Variants in GLIS3 observed in about 807,000 individuals in gnomAD.
The protein encoded by GLIS3 is GLIS family zinc finger 3.
In GLIS3, 53 loss-of-function variants were observed where a neutral mutation model predicts 78.6. The observed-to-expected ratio is 0.67, with a 90% CI of 0.54 to 0.85. The LOEUF (loss-of-function observed/expected upper bound fraction) is 0.85. Among genes scored for constraint, GLIS3 ranks in the 40% least tolerant of loss-of-function variants. The pLI is 0.00. For missense variants in GLIS3, 1,703 were observed against 1,231.1 expected, an observed-to-expected ratio of 1.38 and a Z score of -5.74; for synonymous variants, 684 against 509.9, an observed-to-expected ratio of 1.34 and a Z score of -4.60.
intron 9 of GLIS3, among the ~76,000 whole-genome samples, chr9:3,841,328 T>C (rs1010472600): frequency 7.2e-5 from 11 of 152,150 alleles, no homozygotes; most frequent in African/African-American, 2.7e-4. Flanking sequence ...ATACATAAAA[T>C]AGAGATTCTC....
chr9:3,991,847 T>C (rs113849356), intron 4 of GLIS3, among the ~76,000 whole-genome samples: 250 of 152,038 alleles, frequency 1.6e-3, no homozygotes, highest in East Asian at 3.7e-3. Context: ...CCTGCAACCA[T>C]GCCTGGCTAA....
Position 4,120,590 on chromosome 9 carries a change from C to T in GLIS3, c.597-1709G>A, listed in dbSNP as rs114692057. Reference sequence around the variant, plus strand: ...TTGGATGTCAAGGGCCTTTTGGTCTCTTCCCCAGCAAGATCGAGGAATTGC... The same window carrying T: ...TTGGATGTCAAGGGCCTTTTGGTCTTTTCCCCAGCAAGATCGAGGAATTGC... On this transcript the variant is annotated intron_variant, in intron 3 of 10. Transcript: ENST00000381971. Among the ~76,000 whole-genome samples the T allele has an allele frequency of 1.8e-3, 275 of 152,334 alleles. 1 individual carries two copies. Among genetic ancestry groups the T allele is most frequent in the African/African-American group, 6.3e-3 (261 of 41,588 alleles).
intron 2 of GLIS3, among the ~76,000 whole-genome samples, chr9:4,158,493 A>C (rs1005688891): frequency 6.6e-6 from 1 of 152,222 alleles, no homozygotes; most frequent in African/African-American, 2.4e-5. Flanking sequence ...GCCTTCAGCT[A>C]TACTGTCTCC....
the GLIS3 span, among the ~76,000 whole-genome samples, chr9:4,355,666 G>T: frequency 2.0e-5 from 3 of 152,150 alleles, no homozygotes. Context: ...TCTTTTAACA[G>T]CTAGGGACAC....
the GLIS3 span, among the ~76,000 whole-genome samples, chr9:4,391,451 G>A: frequency 6.6e-6 from 1 of 151,948 alleles, no homozygotes; most frequent in Non-Finnish European, 1.5e-5. Context: ...TTTTCATTAA[G>A]GTTTTTCCCA....
the GLIS3 span, among the ~76,000 whole-genome samples, chr9:4,409,327 G>A: frequency 6.6e-6 from 1 of 152,182 alleles, no homozygotes; most frequent in African/African-American, 2.4e-5. Context: ...CTTAATTGAT[G>A]AGATGTGAGT....
the GLIS3 span, among the ~76,000 whole-genome samples, chr9:4,429,328 C>G: frequency 4.6e-5 from 7 of 151,892 alleles, no homozygotes; most frequent in Non-Finnish European, 1.0e-4. Flanking sequence ...GCCCCCAACT[C>G]TCCCTTATTC....
intron 4 of GLIS3, among the ~76,000 whole-genome samples, chr9:4,013,244 G>A (rs503459): frequency 6.6e-6 from 1 of 152,016 alleles, no homozygotes; most frequent in Non-Finnish European, 1.5e-5. Flanking sequence ...CACTACAGAC[G>A]TTAAGCAGCT....
intron 4 of GLIS3, among the ~76,000 whole-genome samples, chr9:4,014,296 A>G (rs1250263975): frequency 6.6e-6 from 1 of 152,158 alleles, no homozygotes; most frequent in South Asian, 2.1e-4. Context: ...TAGAAATTGT[A>G]CTGGGCTAAA....
intron 2 of GLIS3, among the ~76,000 whole-genome samples, chr9:4,255,882 T>A (rs748873837): frequency 1.3e-5 from 2 of 152,100 alleles, no homozygotes; most frequent in Non-Finnish European, 2.9e-5. Context: ...GATGTGTCAA[T>A]GCAGGTTCAT....
At chr9:4,380,079 T>C in the GLIS3 span, among the ~76,000 whole-genome samples, 73 of 152,282 alleles carry the variant, frequency 4.8e-4, no homozygotes, top group East Asian at 0.012. Context: ...AGTGCATCAA[T>C]ATCTGCTCTA....
At chr9:4,066,294 C>T (rs1196668881) in intron 4 of GLIS3, among the ~76,000 whole-genome samples, 6 of 152,184 alleles carry the variant, frequency 3.9e-5, no homozygotes, top group Non-Finnish European at 5.9e-5. Flanking sequence ...TCTGACCTCA[C>T]TAGGGTTTCC....
chr9:4,273,753 C>T (rs1445979154), intron 2 of GLIS3, among the ~76,000 whole-genome samples: 1 of 152,156 alleles, frequency 6.6e-6, no homozygotes, highest in African/African-American at 2.4e-5. Context: ...AAAAGTCAAT[C>T]CACATAACTC....
At chr9:3,926,474 C>A (rs1825262146) in intron 6 of GLIS3, among the ~76,000 whole-genome samples, 3 of 152,242 alleles carry the variant, frequency 2.0e-5, no homozygotes, top group Admixed American at 6.5e-5. Context: ...TCATGATCCG[C>A]CTGTCTCGGT....
chr9:3,976,198 C>T (rs1331600462), intron 4 of GLIS3, among the ~76,000 whole-genome samples: 3 of 152,090 alleles, frequency 2.0e-5, no homozygotes, highest in African/African-American at 7.2e-5. Context: ...CACCCAGTTG[C>T]CTTCACATCA....
intron 6 of GLIS3, among the ~76,000 whole-genome samples, chr9:3,919,646 A>T (rs2130722427): frequency 6.6e-6 from 1 of 151,210 alleles, no homozygotes; most frequent in South Asian, 2.1e-4. Flanking sequence ...GAAGTTAAAA[A>T]ATAAAAAAAA....
At chr9:4,182,801 G>T (rs1431496935) in intron 2 of GLIS3, among the ~76,000 whole-genome samples, 1 of 152,192 alleles carries the variant, frequency 6.6e-6, no homozygotes, top group Admixed American at 6.5e-5. Context: ...CAAGGGTGAT[G>T]ACAACTGCTA....
At chr9:4,382,544 T>A in the GLIS3 span, among the ~76,000 whole-genome samples, 3 of 152,228 alleles carry the variant, frequency 2.0e-5, no homozygotes, top group East Asian at 5.8e-4. Flanking sequence ...TTTTGTTCTC[T>A]GACTTCTAGA....
At chr9:4,239,006 A>G (rs1279589763) in intron 2 of GLIS3, among the ~76,000 whole-genome samples, 3 of 151,976 alleles carry the variant, frequency 2.0e-5, no homozygotes, top group Non-Finnish European at 4.4e-5. Flanking sequence ...GTCCCTACAA[A>G]GGACATGAAC....
Sources: gnomAD v4.1 joint callset for allele counts (sites outside exome capture counted in the v4.1 genomes callset) on GRCh38, gnomAD v4.1.1 for gene constraint, MANE v1.5 for transcripts, NCBI Gene and HGNC (gene_info 2026-07-23, HGNC 2026-07-21) for gene names.